LRRC4C: variants seen among roughly 807,000 people sequenced by gnomAD.
LRRC4C encodes the protein leucine-rich repeat-containing protein 4C.
LRRC4C carries 5 observed loss-of-function variants against 33.6 expected under a neutral mutation model. That is an observed-to-expected ratio of 0.15 (90% CI 0.08 to 0.31). The LOEUF (loss-of-function observed/expected upper bound fraction) is 0.31, where lower values mean the gene tolerates loss of function less well. Among genes scored for constraint, LRRC4C ranks in the 10% least tolerant of loss-of-function variants. The pLI is 1.00. For missense variants in LRRC4C, 560 were observed against 796.7 expected, an observed-to-expected ratio of 0.70 and a Z score of 3.58; for synonymous variants, 329 against 302.0, an observed-to-expected ratio of 1.09 and a Z score of -0.93.
chr11:41,179,907 G>A (rs960422301), intron 1 of LRRC4C, among the ~76,000 whole-genome samples: 4 of 152,068 alleles, frequency 2.6e-5, no homozygotes, highest in African/African-American at 9.7e-5. Context: ...AGACATCAGG[G>A]TCAACAGAAA....
chr11:40,425,166 G>A (rs1950665899), intron 3 of LRRC4C, among the ~76,000 whole-genome samples: 2 of 151,918 alleles, frequency 1.3e-5, no homozygotes, highest in Non-Finnish European at 2.9e-5. Context: ...AGGTTTGTGG[G>A]GGATGTTAAA....
intron 2 of LRRC4C, among the ~76,000 whole-genome samples, chr11:40,889,584 A>T (rs1955612687): frequency 1.3e-5 from 2 of 152,146 alleles, no homozygotes; most frequent in Admixed American, 1.3e-4. Flanking sequence ...TATGCTATAT[A>T]ACGTGCATTA....
chr11:41,202,843 T>A (rs754453168), intron 1 of LRRC4C, among the ~76,000 whole-genome samples: 3 of 151,836 alleles, frequency 2.0e-5, no homozygotes, highest in Non-Finnish European at 4.4e-5. Context: ...TAGAGTGCAG[T>A]GGCATGATCT....
intron 1 of LRRC4C, among the ~76,000 whole-genome samples, chr11:40,977,590 A>G (rs573995561): frequency 6.6e-6 from 1 of 152,270 alleles, no homozygotes; most frequent in South Asian, 2.1e-4. Flanking sequence ...TGAGATAGAA[A>G]AAAACTCTTC....
chr11:41,358,747 T>C (rs1394235242), intron 1 of LRRC4C, among the ~76,000 whole-genome samples: 1 of 152,198 alleles, frequency 6.6e-6, no homozygotes, highest in Non-Finnish European at 1.5e-5. Context: ...CTGGTGAGGA[T>C]ATGGAGCAAC....
intron 1 of LRRC4C, among the ~76,000 whole-genome samples, chr11:41,427,429 G>A (rs1326916255): frequency 3.3e-5 from 5 of 152,186 alleles, no homozygotes; most frequent in East Asian, 3.9e-4. Context: ...AAACAACAAA[G>A]AATCTGACCA....
At chr11:40,146,505 C>A (rs1037484176) in intron 5 of LRRC4C, among the ~76,000 whole-genome samples, 10 of 152,120 alleles carry the variant, frequency 6.6e-5, no homozygotes, top group Admixed American at 5.2e-4. Context: ...CCTTAAAATA[C>A]AATTTCCACA....
chr11:40,586,558 G>A (rs1958756632), intron 3 of LRRC4C, among the ~76,000 whole-genome samples: 1 of 148,840 alleles, frequency 6.7e-6, no homozygotes, highest in Non-Finnish European at 1.5e-5. Flanking sequence ...CCATGCCTAT[G>A]TCCTGAATGG....
At chr11:40,909,926 CA>C (rs1956592416) in intron 2 of LRRC4C, among the ~76,000 whole-genome samples, 1 of 152,132 alleles carries the variant, frequency 6.6e-6, no homozygotes, top group Non-Finnish European at 1.5e-5. Context: ...ATATAATAAA[CA>C]ACTGAAAATC....
chr11:41,201,592 G>C (rs892917810), intron 1 of LRRC4C, among the ~76,000 whole-genome samples: 4 of 152,142 alleles, frequency 2.6e-5, no homozygotes, highest in African/African-American at 9.7e-5. Context: ...ATTGTCTCCT[G>C]AGAATCTGTG....
At chr11:40,993,389 T>G (rs1423814739) in intron 1 of LRRC4C, among the ~76,000 whole-genome samples, 1 of 152,138 alleles carries the variant, frequency 6.6e-6, no homozygotes, top group Non-Finnish European at 1.5e-5. Flanking sequence ...ATAGAATATA[T>G]TTATGCTAAT....
intron 5 of LRRC4C, among the ~76,000 whole-genome samples, chr11:40,169,170 A>AT (rs1859842063): frequency 6.6e-6 from 1 of 152,106 alleles, no homozygotes; most frequent in Admixed American, 6.5e-5. Flanking sequence ...ATTGAGACTT[A>AT]TTTTTCTGGG....
intron 3 of LRRC4C, among the ~76,000 whole-genome samples, chr11:40,499,091 C>T (rs1006185205): frequency 6.6e-6 from 1 of 152,140 alleles, no homozygotes; most frequent in Admixed American, 6.6e-5. Context: ...CCAGCCACAA[C>T]TGAAGAAACT....
In LRRC4C at chr11:40,647,322, T is replaced by C. The variant is rs989334775; in HGVS notation, c.-270+820A>G. On this transcript the variant is annotated intron_variant, in intron 3 of 6. Transcript: ENST00000528697. ...AAAGGGAAAGTACAAACTTCTCCTC[T>C]ACAATGGTGCTTAATGTCACTATAA... Among the ~76,000 whole-genome samples, 7 of 152,228 alleles carry C rather than the reference T, an allele frequency of 4.6e-5. 1 individual carries two copies. The highest frequency in any genetic ancestry group is 1.2e-4 in the African/African-American group (5 of 41,450).
At chr11:40,619,799 CTCTT>C (rs1962259704) in intron 3 of LRRC4C, among the ~76,000 whole-genome samples, 1 of 151,272 alleles carries the variant, frequency 6.6e-6, no homozygotes, top group Non-Finnish European at 1.5e-5. Context: ...AATTCAGTAA[CTCTT>C]TATTTAACTT....
chr11:41,017,272 C>T (rs982144199), intron 1 of LRRC4C, among the ~76,000 whole-genome samples: 1 of 152,204 alleles, frequency 6.6e-6, no homozygotes, highest in Non-Finnish European at 1.5e-5. Flanking sequence ...AACCACTTCT[C>T]AGTTACTGAT....
intron 1 of LRRC4C, among the ~76,000 whole-genome samples, chr11:40,979,409 T>C (rs754268508): frequency 1.9e-4 from 29 of 152,222 alleles, no homozygotes; most frequent in Non-Finnish European, 3.4e-4. Flanking sequence ...AGAATACCTT[T>C]CATCAAGACT....
intron 1 of LRRC4C, among the ~76,000 whole-genome samples, chr11:41,249,897 T>C (rs528095678): frequency 4.2e-4 from 64 of 152,238 alleles, no homozygotes; most frequent in African/African-American, 1.4e-3. Context: ...GACTTCCTTT[T>C]CTCCACACTT....
intron 1 of LRRC4C, among the ~76,000 whole-genome samples, chr11:41,158,967 A>G (rs559470426): frequency 6.6e-6 from 1 of 152,124 alleles, no homozygotes; most frequent in Non-Finnish European, 1.5e-5. Context: ...AATATTGGAA[A>G]TGAAACACAT....
Sources: gnomAD v4.1 joint callset for allele counts (sites outside exome capture counted in the v4.1 genomes callset) on GRCh38, gnomAD v4.1.1 for gene constraint, MANE v1.5 for transcripts, NCBI Gene and HGNC (gene_info 2026-07-23, HGNC 2026-07-21) for gene names.